Variants in GEN1 observed in about 807,000 individuals in gnomAD.
GEN1 encodes the protein flap endonuclease GEN homolog 1.
In GEN1, 64 loss-of-function variants were observed where a neutral mutation model predicts 67.6. The ratio of observed to expected loss-of-function variants is 0.95; its 90% CI spans 0.77 to 1.17. The LOEUF (loss-of-function observed/expected upper bound fraction) is 1.17, where lower values mean the gene tolerates loss of function less well. Ranked by LOEUF, GEN1 falls within the 50% of genes most tolerant of loss-of-function variation. The pLI is 0.00. For synonymous variants in GEN1, 371 were observed against 359.4 expected (o/e 1.03, Z -0.37); for missense variants, 1,058 against 1,048.3 (o/e 1.01, Z -0.13).
chr2:17,761,243 T>G (rs537134276), intron 2 of GEN1, among the ~76,000 whole-genome samples, 153 bp from the exon 3 acceptor site: 1 of 152,092 alleles, frequency 6.6e-6, no homozygotes, highest in South Asian at 2.1e-4. Context: ...AAAAGAAAAT[T>G]CAGTGGTTTT....
intron 11 of GEN1, among the ~76,000 whole-genome samples, chr2:17,776,371 C>T (rs544874851): frequency 6.6e-6 from 1 of 151,980 alleles, no homozygotes; most frequent in African/African-American, 2.4e-5. Context: ...TGAATATGGT[C>T]TATATTGTAT....
rs971883471 is a variant in GEN1 at position 17,783,744 on chromosome 2, G to A, written c.*1805G>A. On this transcript the variant is annotated 3_prime_UTR_variant, in exon 14 of 14. Coordinates refer to ENST00000381254, the MANE Select transcript of GEN1 (RefSeq NM_001130009.3). ...CCAGAGTGCCAAGACAATTCAATGG[G>A]AAAAGGAAACAGTCTTTGAACCAAC... 2 of 152,200 alleles carry A rather than the reference G, an allele frequency of 1.3e-5. No individual in the cohort carries two copies. Among genetic ancestry groups the A allele is most frequent in the African/African-American group, 2.4e-5 (1 of 41,436 alleles). The allele number at this position is 152,200 out of a possible 1,614,324, so 9.4% of individuals were successfully genotyped here.
At chr2:17,759,510 T>C (rs1402932775) in intron 1 of GEN1, among the ~76,000 whole-genome samples, 1 of 152,168 alleles carries the variant, frequency 6.6e-6, no homozygotes, top group Non-Finnish European at 1.5e-5. Context: ...TTTTCTCTCG[T>C]TTCTTCTTCC....
intron 2 of GEN1, among the ~76,000 whole-genome samples, chr2:17,760,862 C>T (rs1643234318): frequency 1.3e-5 from 2 of 149,960 alleles, no homozygotes; most frequent in South Asian, 4.2e-4. Context: ...GTGGAGGTTG[C>T]AGTGAGCCGA....
rs1213879136 is a variant in GEN1, at chr2:17,778,306, A to ATG, written c.1264+245_1264+246dup. Among the ~76,000 whole-genome samples, 2 of 93,700 alleles carry ATG rather than the reference A, an allele frequency of 2.1e-5. 1 individual carries two copies. The highest frequency in any genetic ancestry group is 9.1e-5 in the African/African-American group (2 of 22,010). 61.5% of individuals were successfully genotyped at this position (93,700 alleles called of 152,430 possible). On this transcript the variant is annotated intron_variant, in intron 12 of 13. Transcript: ENST00000381254. Reference sequence around the variant, plus strand: ...TACACACACATGTGTGTGTACATATATGTATATACACACACACGTGTACAT... The same window carrying ATG: ...TACACACACATGTGTGTGTACATATATGTGTATATACACACACACGTGTACAT...
At position 17,772,550 on chromosome 2, in the gene GEN1, A is replaced by T; in HGVS notation, c.803-84A>T. 2.3e-6 allele frequency: 3 copies of T among 1,313,858 alleles called. No homozygotes were observed. In the South Asian group the frequency reaches 4.5e-5, roughly 20 times the overall value. 81.4% of individuals were successfully genotyped at this position (1,313,858 alleles called of 1,614,324 possible). The stretch of plus-strand genomic sequence containing the variant: ...TGCTAGGCAATATTAATTTTGGAAA[A>T]TTTAGATACTGGCAAAAAGAATGTA... On this transcript the variant is annotated intron_variant, in intron 7 of 13. Transcript: ENST00000381254.
intron 6 of GEN1, 59 bp from the exon 7 acceptor site, chr2:17,771,137 C>A: frequency 1.1e-6 from 1 of 937,152 alleles, no homozygotes; most frequent in Non-Finnish European, 1.8e-6. Flanking sequence ...TATTTGAGAA[C>A]ATACCGTTTT....
chr2:17,764,789 C>A, intron 3 of GEN1, 108 bp from the exon 4 acceptor site: 2 of 1,009,712 alleles, frequency 2.0e-6, no homozygotes, highest in Non-Finnish European at 2.8e-6. Context: ...ATTTTTAAAA[C>A]ACCAAAATAG....
intron 12 of GEN1, among the ~76,000 whole-genome samples, chr2:17,779,373 A>G (rs1216810259): frequency 6.6e-6 from 1 of 152,220 alleles, no homozygotes; most frequent in Non-Finnish European, 1.5e-5. Flanking sequence ...AACCTTACCT[A>G]AACAAAGTTT....
intron 7 of GEN1, 136 bp downstream of exon 7, chr2:17,771,423 C>G: frequency 1.6e-6 from 1 of 618,054 alleles, no homozygotes; most frequent in Non-Finnish European, 2.9e-6. Flanking sequence ...ATTAGGAATT[C>G]CTTGCAGTCA....
At chr2:17,760,261 T>C (rs1671612179) in intron 2 of GEN1, among the ~76,000 whole-genome samples, 157 bp downstream of exon 2, 1 of 152,186 alleles carries the variant, frequency 6.6e-6, no homozygotes, top group African/African-American at 2.4e-5. Flanking sequence ...ATCTTTATAT[T>C]AAGGACTCAC....
At chr2:17,772,875 C>A in intron 8 of GEN1, 91 bp downstream of exon 8, 1 of 1,177,962 alleles carries the variant, frequency 8.5e-7, no homozygotes, top group Non-Finnish European at 1.2e-6. Context: ...TTCCCCATAT[C>A]TAGATTAGTC....
intron 12 of GEN1, among the ~76,000 whole-genome samples, chr2:17,779,671 G>A (rs536070866): frequency 2.3e-4 from 35 of 151,530 alleles, no homozygotes; most frequent in African/African-American, 7.8e-4. Flanking sequence ...GTGCGATCTC[G>A]GCTCACTGCA....
At chr2:17,775,867 G>T (rs1361180235) in intron 11 of GEN1, among the ~76,000 whole-genome samples, 1 of 152,144 alleles carries the variant, frequency 6.6e-6, no homozygotes, top group Admixed American at 6.5e-5. Context: ...GGGGCGTGGT[G>T]GCTCGCACCT....
intron 5 of GEN1, among the ~76,000 whole-genome samples, chr2:17,767,984 G>A (rs78525235): frequency 2.4e-3 from 361 of 152,258 alleles, no homozygotes; most frequent in African/African-American, 8.4e-3. Context: ...TTTAGTAGCT[G>A]GATTCTGGGT....
intron 12 of GEN1, 125 bp from the exon 13 acceptor site, chr2:17,779,853 C>T (rs1426330738): frequency 4.8e-6 from 3 of 628,698 alleles, no homozygotes; most frequent in Non-Finnish European, 8.1e-6. Context: ...AACTCCTGAC[C>T]TCATGATCCG....
At chr2:17,778,141 T>C (rs1338087984) in intron 12 of GEN1, 78 bp downstream of exon 12, 2 of 539,148 alleles carry the variant, frequency 3.7e-6, no homozygotes, top group Admixed American at 2.8e-5. Context: ...TATATGTGTA[T>C]ATATATATAT....
intron 11 of GEN1, among the ~76,000 whole-genome samples, chr2:17,776,062 G>A (rs1672409841): frequency 6.9e-6 from 1 of 145,400 alleles, no homozygotes; most frequent in African/African-American, 2.6e-5. Flanking sequence ...GTTGCAGTGA[G>A]CTGAGTTCAT....
chr2:17,774,782 A>T (rs1400043716), intron 11 of GEN1, among the ~76,000 whole-genome samples: 1 of 151,938 alleles, frequency 6.6e-6, no homozygotes, highest in Non-Finnish European at 1.5e-5. Flanking sequence ...CTTCAGAGAA[A>T]AAAAAAAAAA....
Sources: allele counts gnomAD v4.1 joint callset (sites outside exome capture counted in the v4.1 genomes callset), GRCh38; gene constraint gnomAD v4.1.1; transcripts MANE v1.5; gene names NCBI Gene and HGNC (gene_info 2026-07-23, HGNC 2026-07-21).